USP34: variants seen among roughly 807,000 people sequenced by gnomAD.
USP34 encodes the protein ubiquitin carboxyl-terminal hydrolase 34.
Under a neutral mutation model 460.3 loss-of-function variants are expected in USP34, and 70 were observed. The observed-to-expected ratio is 0.15, with a 90% CI of 0.13 to 0.19. The LOEUF is 0.19. USP34 is among the 10% of genes least tolerant of loss of function. The pLI, the probability that USP34 is intolerant of heterozygous loss-of-function variation, is 1.00. For synonymous variants in USP34, 1,647 were observed against 1,405.3 expected, an observed-to-expected ratio of 1.17 and a Z score of -3.85; for missense variants, 3,985 against 4,236.2, an observed-to-expected ratio of 0.94 and a Z score of 1.65.
At chr2:61,205,820 C>A (rs532366608) in intron 72 of USP34, among the ~76,000 whole-genome samples, 197 bp downstream of exon 72, 52 of 152,288 alleles carry the variant, frequency 3.4e-4, no homozygotes, top group Non-Finnish European at 5.9e-4. Flanking sequence ...AAGTAATCTG[C>A]CCATTATCAT....
chr2:61,406,159 T>G (rs1693864188), intron 2 of USP34, 31 bp from the exon 3 acceptor site: 2 of 1,458,000 alleles, frequency 1.4e-6, no homozygotes, highest in Non-Finnish European at 1.8e-6. Flanking sequence ...AATAAATTAG[T>G]AATAAAGCAG....
At chr2:61,406,446 T>C (rs763188685) in intron 2 of USP34, among the ~76,000 whole-genome samples, 5 of 152,176 alleles carry the variant, frequency 3.3e-5, no homozygotes, top group Admixed American at 6.6e-5. Flanking sequence ...GTACTCAATA[T>C]ATGTTTAGCA....
intron 64 of USP34, 94 bp from the exon 65 acceptor site, chr2:61,222,757 C>T (rs1343664039): frequency 1.0e-5 from 12 of 1,164,172 alleles, no homozygotes; most frequent in Admixed American, 2.0e-5. Flanking sequence ...GATGCAGTGG[C>T]GAGATCACAG....
intron 32 of USP34, among the ~76,000 whole-genome samples, chr2:61,294,678 C>A (rs1398731844): frequency 3.9e-5 from 6 of 152,162 alleles, no homozygotes; most frequent in African/African-American, 1.4e-4. Context: ...GTCTCAGCCT[C>A]CCAAAGGGCT....
chr2:61,461,474 T>C (rs1695599392), intron 1 of USP34, among the ~76,000 whole-genome samples: 1 of 151,476 alleles, frequency 6.6e-6, no homozygotes, highest in Admixed American at 6.6e-5. Context: ...ATAACAAAAA[T>C]ATGAATGGTT....
At chr2:61,458,041 A>G (rs572078255) in intron 1 of USP34, among the ~76,000 whole-genome samples, 2 of 152,296 alleles carry the variant, frequency 1.3e-5, no homozygotes, top group Admixed American at 6.5e-5. Context: ...TATTTTAAAT[A>G]AACACTGATC....
At position 61,295,524 on chromosome 2, in the gene USP34, T is replaced by C. The variant is rs539596338; in HGVS notation, c.4255-234A>G. Reference sequence around the variant, plus strand: ...TAAAATTCATATACAAACAGCAGCATGGGAAAATAATTAACTGTTAATCTT... The same window carrying C: ...TAAAATTCATATACAAACAGCAGCACGGGAAAATAATTAACTGTTAATCTT... On this transcript the variant is annotated intron_variant, in intron 30 of 79. Transcript: ENST00000398571. 7.2e-5 allele frequency among the ~76,000 whole-genome samples: 11 copies of C among 152,276 alleles called. No homozygotes were observed. In the East Asian group the frequency reaches 2.1e-3, roughly 29 times the overall value.
At chr2:61,428,165 C>CAAA (rs376451824) in intron 1 of USP34, among the ~76,000 whole-genome samples, 1 of 66,268 alleles carries the variant, frequency 1.5e-5, no homozygotes, top group Non-Finnish European at 3.0e-5. Context: ...AACTCCGTCA[C>CAAA]AAAAAAAAAA....
chr2:61,434,802 T>C (rs955311922), intron 1 of USP34, among the ~76,000 whole-genome samples: 1 of 151,520 alleles, frequency 6.6e-6, no homozygotes, highest in African/African-American at 2.4e-5. Context: ...AGAAACAATG[T>C]AGAGAAATCA....
At chr2:61,315,216 G>A (rs1254765266) in intron 23 of USP34, among the ~76,000 whole-genome samples, 2 of 152,048 alleles carry the variant, frequency 1.3e-5, no homozygotes, top group Non-Finnish European at 2.9e-5. Flanking sequence ...TACATAGTAC[G>A]AAAATTCTAG....
At chr2:61,432,775 G>T (rs756768500) in intron 1 of USP34, among the ~76,000 whole-genome samples, 12 of 151,648 alleles carry the variant, frequency 7.9e-5, no homozygotes, top group Non-Finnish European at 1.5e-4. Flanking sequence ...ATGTTGACTG[G>T]GTGATGGGTA....
chr2:61,214,426 A>C lies in USP34; in HGVS notation c.8316T>G (p.Phe2772Leu). The C allele has an allele frequency of 6.2e-7, 1 of 1,614,238 alleles. No individual in the cohort carries two copies. Among genetic ancestry groups the C allele is most frequent in the Non-Finnish European group, 8.5e-7 (1 of 1,180,040 alleles). Residue 2772 changes from phenylalanine to leucine, a missense_variant, in exon 68 of 80, where the codon TTT (phenylalanine) becomes TTG (leucine). Around this residue, in one of 14 missense-constraint regions of USP34, gnomAD observed 604 missense variants for 684.8 expected, o/e 0.88. Coordinates refer to ENST00000398571, the MANE Select transcript of USP34 (RefSeq NM_014709.4). ...TCCACAAATCCATGAAATATGTGGA[A>C]AACATCAGCTTCTCAGTTTTGGAAA... Reference protein sequence around the residue: ...CLISKTEKLMFSTYFMDLWNL... With the variant: ...CLISKTEKLMLSTYFMDLWNL...
At chr2:61,318,490 T>C (rs1347819299) in intron 22 of USP34, among the ~76,000 whole-genome samples, 1 of 152,186 alleles carries the variant, frequency 6.6e-6, no homozygotes, top group African/African-American at 2.4e-5. Flanking sequence ...CTAAAACTCA[T>C]TCATATATAT....
chr2:61,414,748 T>A (rs1283923745), intron 2 of USP34, among the ~76,000 whole-genome samples: 1 of 152,194 alleles, frequency 6.6e-6, no homozygotes, highest in East Asian at 1.9e-4. Context: ...AGGACCCAGT[T>A]ACAGAATTTT....
chr2:61,329,430 A>G (rs535795677), intron 20 of USP34, among the ~76,000 whole-genome samples: 1 of 152,228 alleles, frequency 6.6e-6, no homozygotes, highest in East Asian at 1.9e-4. Flanking sequence ...CTGACTTGGA[A>G]TAACAGTTAG....
At chr2:61,192,518 C>G (rs1003679408) in intron 76 of USP34, among the ~76,000 whole-genome samples, 2 of 152,162 alleles carry the variant, frequency 1.3e-5, no homozygotes, top group African/African-American at 2.4e-5. Flanking sequence ...AGGGTTTCTG[C>G]TAGAGGTTTT....
In USP34 at chr2:61,187,928, A is replaced by G. The variant is rs192206142; in HGVS notation, c.*174T>C. 2.8e-6 allele frequency: 4 copies of G among 1,431,028 alleles called. No homozygotes were observed. Among genetic ancestry groups the G allele is most frequent in the East Asian group, 2.5e-5 (1 of 39,362 alleles). 88.6% of individuals were successfully genotyped at this position (1,431,028 alleles called of 1,614,324 possible). ...CTTTAGGAAGTATACTGAAGATGCA[A>G]GTTTTTTTCATCTGGAGTTCTGCCT... On this transcript the variant is annotated 3_prime_UTR_variant, in exon 80 of 80. Coordinates refer to ENST00000398571, the MANE Select transcript of USP34 (RefSeq NM_014709.4).
rs1435786716 is a variant in USP34, at chr2:61,259,786, A to C, written c.5779-10T>G. On this transcript the variant is annotated splice_polypyrimidine_tract_variant and intron_variant, in intron 43 of 79. Transcript: ENST00000398571. Reference sequence around the variant, plus strand: ...TCATATCCTCTGAATACTGAAAATCAAGAGAAAACACCATTAAAAACACAG... The same window carrying C: ...TCATATCCTCTGAATACTGAAAATCCAGAGAAAACACCATTAAAAACACAG... 2 of 1,611,842 alleles carry C rather than the reference A, an allele frequency of 1.2e-6. No homozygotes were observed. The highest frequency in any genetic ancestry group is 8.5e-7 in the Non-Finnish European group (1 of 1,179,514).
rs147592474 is a variant in USP34, at chr2:61,469,705, T to C, written c.43+945A>G. 2.3e-3 allele frequency among the ~76,000 whole-genome samples: 348 copies of C among 152,330 alleles called. 2 individuals are homozygous for C. Among genetic ancestry groups the C allele is most frequent in the East Asian group, 0.018 (95 of 5,188 alleles). Reference sequence around the variant, plus strand: ...ACAGAATACAAATCCAAAACCCACATAAACTGTTCATAAGTGAGCATTTTT... The same window carrying C: ...ACAGAATACAAATCCAAAACCCACACAAACTGTTCATAAGTGAGCATTTTT... On this transcript the variant is annotated intron_variant, in intron 1 of 79. Transcript: ENST00000398571.
Sources: gnomAD v4.1 joint callset for allele counts (sites outside exome capture counted in the v4.1 genomes callset) on GRCh38, gnomAD v4.1.1 for gene constraint, gnomAD v4.1.1 regional missense constraint, MANE v1.5 for transcripts, NCBI Gene and HGNC (gene_info 2026-07-23, HGNC 2026-07-21) for gene names.